PRKD3: variants seen among roughly 807,000 people sequenced by gnomAD.
PRKD3 encodes the protein serine/threonine-protein kinase D3.
PRKD3 carries 47 observed loss-of-function variants against 99.2 expected under a neutral mutation model. The ratio of observed to expected loss-of-function variants is 0.47; its 90% CI spans 0.38 to 0.60. The LOEUF is 0.60. PRKD3 is among the 20% of genes least tolerant of loss of function. The pLI is 0.00. For synonymous variants in PRKD3, 392 were observed against 355.4 expected, an observed-to-expected ratio of 1.10 and a Z score of -1.16; for missense variants, 1,019 against 1,088.4, an observed-to-expected ratio of 0.94 and a Z score of 0.90.
chr2:37,272,517 CTT>C lies in PRKD3; in HGVS notation c.1652-87_1652-86del, dbSNP rs201359981. On this transcript the variant is annotated intron_variant, in intron 11 of 18. Coordinates refer to ENST00000234179, the MANE Select transcript of PRKD3 (RefSeq NM_005813.6). ...ATGTGAATGCTCATGGTATATCAAA[CTT>C]TAAAAAGTTTAGCACACAGTTAATA... 4.4e-4 allele frequency: 649 copies of C among 1,474,126 alleles called. 2 individuals carry two copies. The African/African-American group carries it at 7.8e-3, about 18-fold the overall frequency. The allele number at this position is 1,474,126 out of a possible 1,614,324, so 91.3% of individuals were successfully genotyped here.
At chr2:37,259,910 A>G (rs1668279643) in intron 15 of PRKD3, among the ~76,000 whole-genome samples, 1 of 152,236 alleles carries the variant, frequency 6.6e-6, no homozygotes, top group Non-Finnish European at 1.5e-5. Context: ...CATGCCTGTA[A>G]TCCCAGCACT....
At chr2:37,289,543 G>A in intron 4 of PRKD3, 30 bp from the exon 5 acceptor site, 2 of 1,531,084 alleles carry the variant, frequency 1.3e-6, no homozygotes, top group South Asian at 1.2e-5. Flanking sequence ...TAAAATATAA[G>A]ATTTAAAAAA....
intron 2 of PRKD3, among the ~76,000 whole-genome samples, chr2:37,308,072 C>T (rs1671241252): frequency 6.6e-6 from 1 of 152,196 alleles, no homozygotes; most frequent in Non-Finnish European, 1.5e-5. Flanking sequence ...CTGTTTTGAA[C>T]ATCTTCCTGC....
At chr2:37,256,210 G>C (rs184074714) in intron 17 of PRKD3, among the ~76,000 whole-genome samples, 137 of 152,278 alleles carry the variant, frequency 9.0e-4, no homozygotes, top group Non-Finnish European at 1.7e-3. Flanking sequence ...TAAACAACTA[G>C]GTTTGTGTAG....
rs754363970 is a variant in PRKD3, at chr2:37,286,238, C to T, written c.849G>A (p.Thr283=). Residue 283 remains threonine (T), a synonymous_variant, in exon 6 of 19, where the codon ACG becomes ACA. Coordinates refer to ENST00000234179, the MANE Select transcript of PRKD3 (RefSeq NM_005813.6). Reference sequence around the variant, plus strand: ...GTAACCGCTTGCAGTACTGACATATCGTGGGACGGGTGTAAGAGTGAACAG... The same window carrying T: ...GTAACCGCTTGCAGTACTGACATATTGTGGGACGGGTGTAAGAGTGAACAG... The part of the protein sequence containing the change: ...TFAVHSYTRP[T]ICQYCKRLLK... The T allele has an allele frequency of 2.7e-5, 43 of 1,613,948 alleles. 1 individual carries two copies. Among genetic ancestry groups the T allele is most frequent in the African/African-American group, 1.3e-5 (1 of 74,902 alleles).
At chr2:37,303,170 T>C (rs967493126) in intron 2 of PRKD3, among the ~76,000 whole-genome samples, 3 of 152,064 alleles carry the variant, frequency 2.0e-5, no homozygotes, top group Admixed American at 6.5e-5. Flanking sequence ...GAAGAGCCGC[T>C]GGACCTCAGG....
intron 2 of PRKD3, among the ~76,000 whole-genome samples, chr2:37,312,032 T>C (rs1671448243): frequency 6.6e-6 from 1 of 152,208 alleles, no homozygotes; most frequent in Non-Finnish European, 1.5e-5. Context: ...ATGTGGCCTA[T>C]TGTAAAAGAT....
Position 37,286,269 on chromosome 2 carries a change from G to A in PRKD3, c.818C>T (p.Thr273Ile), listed in dbSNP as rs755161693. 6.2e-7 allele frequency: 1 copy of A among 1,614,068 alleles called. No homozygotes were observed. ...ACGGGTGTAAGAGTGAACAGCAAATGTGTGTGGAACTTTCACTCTGCACAT... is the reference window on the plus strand; with the variant it reads ...ACGGGTGTAAGAGTGAACAGCAAATATGTGTGGAACTTTCACTCTGCACAT... ...MVMCRVKVPH[T>I]FAVHSYTRPT... The change falls in exon 6 of 19, where the codon ACA becomes ATA. Residue 273 changes from threonine (T) to isoleucine (I), a missense_variant. Transcript: ENST00000234179.
chr2:37,322,682 T>A (rs1038099143), intron 1 of PRKD3, among the ~76,000 whole-genome samples: 3 of 152,010 alleles, frequency 2.0e-5, no homozygotes, highest in Admixed American at 1.3e-4. Flanking sequence ...AATGGAAAAA[T>A]TTTTTTTCCT....
intron 6 of PRKD3, among the ~76,000 whole-genome samples, chr2:37,284,691 A>G (rs1292321386): frequency 6.6e-6 from 1 of 152,218 alleles, no homozygotes; most frequent in African/African-American, 2.4e-5. Context: ...TATAATGCCT[A>G]ATAGTTATCA....
rs1572695211 is a variant in PRKD3 at position 37,306,567 on chromosome 2, G to A, written c.288+9670C>T. Among the ~76,000 whole-genome samples the A allele has an allele frequency of 2.0e-5, 3 of 152,282 alleles. No homozygotes were observed. In the South Asian group the frequency reaches 6.2e-4, roughly 32 times the overall value. ...CTCACACATGTAATCCCAGCACTCTGGGAAGCCAAGGTGGAGGGAACGCTT... is the reference window on the plus strand; with the variant it reads ...CTCACACATGTAATCCCAGCACTCTAGGAAGCCAAGGTGGAGGGAACGCTT... On this transcript the variant is annotated intron_variant, in intron 2 of 18. Transcript: ENST00000234179.
chr2:37,267,346 TAAAA>T (rs373745205), intron 14 of PRKD3, 80 bp downstream of exon 14: 69 of 784,536 alleles, frequency 8.8e-5, no homozygotes, highest in Admixed American at 1.3e-4. Context: ...TTTGCCTTCT[TAAAA>T]AAAAAAAAAA....
chr2:37,276,704 T>C (rs1669584786), intron 9 of PRKD3, among the ~76,000 whole-genome samples: 1 of 150,006 alleles, frequency 6.7e-6, no homozygotes, highest in Non-Finnish European at 1.5e-5. Context: ...CTCCCAAAGT[T>C]TCTTCTGTTT....
At chr2:37,312,644 A>C (rs1249767457) in intron 2 of PRKD3, among the ~76,000 whole-genome samples, 3 of 152,194 alleles carry the variant, frequency 2.0e-5, no homozygotes, top group Non-Finnish European at 4.4e-5. Context: ...TCTCAAGTGC[A>C]AAAAGTTTAT....
At chr2:37,277,787 C>A in intron 9 of PRKD3, 79 bp downstream of exon 9, 3 of 1,460,700 alleles carry the variant, frequency 2.1e-6, no homozygotes, top group South Asian at 1.3e-5. Flanking sequence ...ATCTCATCAT[C>A]ATTTTGATTT....
chr2:37,297,096 T>G (rs1313295245), intron 2 of PRKD3, among the ~76,000 whole-genome samples: 2 of 152,056 alleles, frequency 1.3e-5, no homozygotes, highest in African/African-American at 4.8e-5. Context: ...AAGGATTTAC[T>G]GTTCCTGATT....
chr2:37,278,642 G>A (rs1037300641), intron 8 of PRKD3: 1 of 152,102 alleles, frequency 6.6e-6, no homozygotes, highest in South Asian at 2.1e-4. Context: ...TCATGATTAA[G>A]AAACTAGCTA....
At position 37,286,197 on chromosome 2, in the gene PRKD3, C is replaced by T. The variant is rs141998414; in HGVS notation, c.890G>A (p.Arg297His). Residue 297 changes from arginine to histidine, a missense_variant, in exon 6 of 19, where the codon CGC becomes CAC. Physicochemically the swap from Arg to His is conservative, Grantham distance 29. Coordinates refer to ENST00000234179, the MANE Select transcript of PRKD3 (RefSeq NM_005813.6). ...CCTACCTTTACACTGCATTCCTTGG[C>T]GAAAGAGGCCTTTCAGTAACCGCTT... ...YCKRLLKGLF[R>H]QGMQCKDCKF... 2.7e-3 allele frequency: 4,372 copies of T among 1,612,142 alleles called. 6 individuals carry two copies. The highest frequency in any genetic ancestry group is 3.7e-3 in the South Asian group (332 of 90,824).
chr2:37,279,997 G>T, intron 7 of PRKD3, 68 bp from the exon 8 acceptor site: 2 of 976,368 alleles, frequency 2.0e-6, no homozygotes, highest in Non-Finnish European at 3.0e-6. Context: ...TGTGAAAAAA[G>T]TCTTAAGAGT....
Sources: gnomAD v4.1 joint callset for allele counts (sites outside exome capture counted in the v4.1 genomes callset) on GRCh38, gnomAD v4.1.1 for gene constraint, MANE v1.5 for transcripts, NCBI Gene and HGNC (gene_info 2026-07-23, HGNC 2026-07-21) for gene names.